Variants in CCDC175 observed in about 807,000 individuals in gnomAD.
The protein encoded by CCDC175 is coiled-coil domain containing 175.
A neutral mutation model predicts 114.6 loss-of-function variants in CCDC175; 100 were observed. The observed-to-expected ratio is 0.87, with a 90% CI of 0.74 to 1.03. The LOEUF (loss-of-function observed/expected upper bound fraction) is 1.03, where lower values mean the gene tolerates loss of function less well. Ranked by LOEUF, CCDC175 falls within the 50% of genes least tolerant of loss-of-function variation. The pLI is 0.00. For synonymous variants in CCDC175, 306 were observed against 308.7 expected (o/e 0.99, Z 0.09); for missense variants, 880 against 917.8 (o/e 0.96, Z 0.53).
At chr14:59,548,342 G>A (rs962070601) in intron 8 of CCDC175, among the ~76,000 whole-genome samples, 1 of 152,162 alleles carries the variant, frequency 6.6e-6, no homozygotes, top group Non-Finnish European at 1.5e-5. Context: ...TGAGTTGAAT[G>A]TCAATCTTTG....
At chr14:59,555,826 C>T (rs1309264976) in intron 7 of CCDC175, among the ~76,000 whole-genome samples, 4 of 152,136 alleles carry the variant, frequency 2.6e-5, no homozygotes, top group East Asian at 1.9e-4. Context: ...CAATAACAGA[C>T]AAACAGAGAG....
chr14:59,527,298 C>T, intron 14 of CCDC175, 124 bp from the exon 15 acceptor site: 1 of 541,042 alleles, frequency 1.8e-6, no homozygotes, highest in Non-Finnish European at 3.2e-6. Flanking sequence ...AACTGTCAGG[C>T]ACTCCACAAT....
At chr14:59,549,246 C>T (rs1469144498) in intron 8 of CCDC175, among the ~76,000 whole-genome samples, 4 of 152,196 alleles carry the variant, frequency 2.6e-5, no homozygotes, top group Non-Finnish European at 5.9e-5. Context: ...GGGGTGGTGG[C>T]TCACGCCTGT....
At position 59,510,727 on chromosome 14, in the gene CCDC175, G is replaced by A. The variant is rs1368161386; in HGVS notation, c.2224C>T (p.Gln742Ter). 5.9e-6 allele frequency: 9 copies of A among 1,537,054 alleles called. No homozygotes were observed. The highest frequency in any genetic ancestry group is 7.0e-6 in the Non-Finnish European group (8 of 1,146,872). ...DKLRERDEKM[Q>*]HVSTWLRGSL... The stretch of plus-strand genomic sequence containing the variant: ...CCTCGTAGCCATGTACTGACATGCT[G>A]CATTTTTTCATCTCTTTCACGCAGC... The change falls in exon 19 of 20, where the codon CAG (glutamine) becomes TAG (stop). Residue 742 changes from glutamine to a stop codon, truncating the protein, a stop_gained. Coordinates refer to ENST00000537690, the MANE Select transcript of CCDC175 (RefSeq NM_001164399.2). LOFTEE classifies it high-confidence loss of function.
At chr14:59,551,534 A>T (rs1262903601) in intron 7 of CCDC175, 98 bp from the exon 8 acceptor site, 2 of 534,138 alleles carry the variant, frequency 3.7e-6, no homozygotes, top group Non-Finnish European at 6.4e-6. Flanking sequence ...TACAGCTCCC[A>T]GTGTGAGTGA....
intron 7 of CCDC175, among the ~76,000 whole-genome samples, chr14:59,558,342 C>T (rs1896036935): frequency 6.6e-6 from 1 of 152,138 alleles, no homozygotes; most frequent in Non-Finnish European, 1.5e-5. Flanking sequence ...ACTCTGGTTA[C>T]TTTGTGGAGA....
intron 17 of CCDC175, among the ~76,000 whole-genome samples, chr14:59,517,530 A>C (rs1893167968): frequency 6.6e-6 from 1 of 152,186 alleles, no homozygotes; most frequent in Non-Finnish European, 1.5e-5. Context: ...CCAATAACAG[A>C]CAAACAGAGA....
At chr14:59,515,227 G>C (rs1464445686) in intron 17 of CCDC175, among the ~76,000 whole-genome samples, 4 of 152,292 alleles carry the variant, frequency 2.6e-5, no homozygotes, top group Middle Eastern at 3.4e-3. Context: ...AAATTGTAAA[G>C]ACCATTGAGG....
intron 4 of CCDC175, among the ~76,000 whole-genome samples, chr14:59,565,580 T>G (rs1291144782): frequency 1.3e-5 from 2 of 151,680 alleles, no homozygotes; most frequent in Non-Finnish European, 2.9e-5. Flanking sequence ...GGTGGCGTGC[T>G]CCTGTAATCC....
rs572125992 is a variant in CCDC175, at chr14:59,526,302, C to T, written c.1842+793G>A. ...CTATATATTCCTTCATATTTTATAA[C>T]GTATTAAAAGTTACATTTTGAAGCC... On this transcript the variant is annotated intron_variant, in intron 15 of 19. Transcript: ENST00000537690. Among the ~76,000 whole-genome samples, 13 of 151,974 alleles carry T rather than the reference C, an allele frequency of 8.6e-5. No homozygotes were observed. The South Asian group carries it at 2.1e-3, about 24-fold the overall frequency.
At chr14:59,537,475 T>TC (rs1894470077) in intron 13 of CCDC175, among the ~76,000 whole-genome samples, 1 of 152,216 alleles carries the variant, frequency 6.6e-6, no homozygotes. Context: ...TCTACCACCA[T>TC]CCCTGTTCTC....
intron 4 of CCDC175, 147 bp downstream of exon 4, chr14:59,568,098 A>G: frequency 1.4e-6 from 1 of 695,246 alleles, no homozygotes; most frequent in Non-Finnish European, 2.2e-6. Context: ...TCCCTACCCC[A>G]TCAGCCTGGG....
intron 15 of CCDC175, among the ~76,000 whole-genome samples, chr14:59,526,846 T>C (rs1893769255): frequency 6.6e-6 from 1 of 152,200 alleles, no homozygotes; most frequent in Non-Finnish European, 1.5e-5. Context: ...TCTCTCCCTC[T>C]TTCTCTGTAT....
intron 15 of CCDC175, 29 bp downstream of exon 15, chr14:59,527,063 TAAA>T: frequency 8.7e-7 from 1 of 1,155,892 alleles, no homozygotes; most frequent in Non-Finnish European, 1.2e-6. Flanking sequence ...CTAATAATAA[TAAA>T]AAAAAGAATT....
intron 17 of CCDC175, among the ~76,000 whole-genome samples, chr14:59,519,447 T>C (rs1352045006): frequency 6.6e-6 from 1 of 152,158 alleles, no homozygotes; most frequent in Non-Finnish European, 1.5e-5. Context: ...CAAAAAGTAC[T>C]ACCTTAAAAG....
chr14:59,518,996 T>G (rs1022374299), intron 17 of CCDC175, among the ~76,000 whole-genome samples: 5 of 152,090 alleles, frequency 3.3e-5, no homozygotes, highest in Non-Finnish European at 7.4e-5. Context: ...CCATAAAAAA[T>G]GATGAGTTCA....
chr14:59,567,410 A>C (rs998569687), intron 4 of CCDC175, among the ~76,000 whole-genome samples: 4 of 152,198 alleles, frequency 2.6e-5, no homozygotes, highest in African/African-American at 9.7e-5. Flanking sequence ...TATCTGGGAC[A>C]CCAGGCAACC....
intron 19 of CCDC175, among the ~76,000 whole-genome samples, chr14:59,506,997 T>C (rs1324642206): frequency 6.6e-6 from 1 of 152,270 alleles, no homozygotes; most frequent in African/African-American, 2.4e-5. Context: ...AAATTCTTTT[T>C]ACTTTAAAAA....
intron 7 of CCDC175, among the ~76,000 whole-genome samples, chr14:59,557,581 G>C: frequency 6.6e-6 from 1 of 150,544 alleles, no homozygotes; most frequent in East Asian, 2.0e-4. Flanking sequence ...AAACCTGCAT[G>C]TTGTGCACAT....
Sources: allele counts gnomAD v4.1 joint callset (sites outside exome capture counted in the v4.1 genomes callset), GRCh38; gene constraint gnomAD v4.1.1; transcripts MANE v1.5; gene names NCBI Gene and HGNC (gene_info 2026-07-23, HGNC 2026-07-21).